The following TENM2 variants were observed in gnomAD, a reference collection of about 807,000 sequenced individuals.
TENM2 encodes the protein teneurin-2.
In TENM2, 52 loss-of-function variants were observed where a neutral mutation model predicts 245.2. That is an observed-to-expected ratio of 0.21 (90% confidence interval 0.17 to 0.27). The LOEUF (loss-of-function observed/expected upper bound fraction) is 0.27, where lower values mean the gene tolerates loss of function less well. Among genes scored for constraint, TENM2 ranks in the 10% least tolerant of loss-of-function variants. The probability of loss-of-function intolerance (pLI) is 1.00; values close to 1 mark genes in which losing one functional copy is unlikely to be tolerated. For synonymous variants in TENM2, 1,363 were observed against 1,438.9 expected (o/e 0.95, Z 1.19); for missense variants, 3,046 against 3,666.8 (o/e 0.83, Z 4.37).
At chr5:167,720,754 A>C (rs527560227) in intron 2 of TENM2, among the ~76,000 whole-genome samples, 18 of 152,370 alleles carry the variant, frequency 1.2e-4, no homozygotes, top group African/African-American at 4.3e-4. Flanking sequence ...AAATAGAGGT[A>C]TTGGACTGAC....
chr5:167,284,693 G>C (rs1211091763), upstream of TENM2: 2 of 644,990 alleles, frequency 3.1e-6, no homozygotes, highest in Non-Finnish European at 5.4e-6. Flanking sequence ...GTCTGAGTCA[G>C]AGCATGAATC....
intron 13 of TENM2, among the ~76,000 whole-genome samples, chr5:168,178,016 C>G (rs2152484286): frequency 6.6e-6 from 1 of 152,320 alleles, no homozygotes; most frequent in South Asian, 2.1e-4. Flanking sequence ...CTTCTCCCAG[C>G]TGGCAGTCTG....
chr5:167,214,661 T>A, the TENM2 span, among the ~76,000 whole-genome samples: 1 of 152,182 alleles, frequency 6.6e-6, no homozygotes, highest in Admixed American at 6.5e-5. Context: ...GAGTTGACAT[T>A]CTGATTTGAT....
intron 12 of TENM2, chr5:168,129,604 G>A (rs1754385293): frequency 6.6e-6 from 1 of 152,208 alleles, no homozygotes; most frequent in Non-Finnish European, 1.5e-5. Flanking sequence ...ACAAAGCCAA[G>A]CATACCTTGA....
intron 2 of TENM2, among the ~76,000 whole-genome samples, chr5:167,585,678 A>G (rs774671111): frequency 6.6e-6 from 1 of 152,164 alleles, no homozygotes; most frequent in African/African-American, 2.4e-5. Flanking sequence ...AAACAACCTT[A>G]GAGTCATGCT....
the TENM2 span, among the ~76,000 whole-genome samples, chr5:167,045,776 G>A: frequency 6.6e-6 from 1 of 152,262 alleles, no homozygotes; most frequent in East Asian, 1.9e-4. Flanking sequence ...CCATCCTTGG[G>A]AAGCATAGAG....
chr5:167,006,034 A>G, the TENM2 span, among the ~76,000 whole-genome samples: 2 of 152,078 alleles, frequency 1.3e-5, no homozygotes, highest in African/African-American at 4.8e-5. Context: ...ACATGGTAGG[A>G]GAGGATGTAA....
intron 2 of TENM2, among the ~76,000 whole-genome samples, chr5:167,526,532 G>T (rs979633613): frequency 8.6e-5 from 13 of 151,934 alleles, no homozygotes; most frequent in Non-Finnish European, 1.6e-4. Context: ...ACTGTGGATT[G>T]ACTTGAAGTG....
chr5:167,290,498 T>C (rs1754569897), intron 1 of TENM2, among the ~76,000 whole-genome samples: 2 of 152,208 alleles, frequency 1.3e-5, no homozygotes, highest in Admixed American at 6.5e-5. Context: ...CCGACCCTAA[T>C]AATACTTTGG....
At chr5:167,611,537 G>A (rs1044027334) in intron 2 of TENM2, among the ~76,000 whole-genome samples, 2 of 152,152 alleles carry the variant, frequency 1.3e-5, no homozygotes, top group Non-Finnish European at 2.9e-5. Flanking sequence ...CAGGAAGGGA[G>A]AGTTTTTCAA....
chr5:167,284,357 GA>G (rs1418591282), upstream of TENM2, among the ~76,000 whole-genome samples: 2 of 152,030 alleles, frequency 1.3e-5, no homozygotes, highest in Admixed American at 6.6e-5. Context: ...TTTTCTTTTG[GA>G]GGGGGGGTGG....
chr5:168,061,441 GAGTGT>G (rs926772401), intron 6 of TENM2, among the ~76,000 whole-genome samples: 18 of 152,154 alleles, frequency 1.2e-4, no homozygotes, highest in African/African-American at 3.9e-4. Flanking sequence ...GAAGGATACT[GAGTGT>G]GGGCAACCAA....
chr5:167,242,445 T>C, the TENM2 span, among the ~76,000 whole-genome samples: 2 of 152,126 alleles, frequency 1.3e-5, no homozygotes, highest in South Asian at 4.1e-4. Context: ...ATAAATGAGA[T>C]ATACAGTTGA....
chr5:167,416,947 A>G (rs185841216), intron 2 of TENM2, among the ~76,000 whole-genome samples: 27 of 152,230 alleles, frequency 1.8e-4, no homozygotes, highest in African/African-American at 6.3e-4. Context: ...GATTACATAG[A>G]TTGTTTCGTT....
intron 9 of TENM2, among the ~76,000 whole-genome samples, chr5:168,103,823 CACAA>C (rs1794018601): frequency 6.6e-6 from 1 of 152,132 alleles, no homozygotes. Flanking sequence ...AGTTGTCACT[CACAA>C]ACAACTTTTG....
At chr5:167,512,171 G>C (rs1222405860) in intron 2 of TENM2, among the ~76,000 whole-genome samples, 6 of 152,098 alleles carry the variant, frequency 3.9e-5, no homozygotes, top group African/African-American at 9.7e-5. Context: ...GGATTGCCTA[G>C]GTAATGTAAG....
chr5:167,865,004 C>T lies in TENM2; in HGVS notation c.503-10982C>T, dbSNP rs542721599. ...AGCCTTTTGAAAATTGTTTCGGCAT[C>T]GGCATACAGTTCCTTTTAATCTTTC... is the stretch of plus-strand genomic sequence containing the variant. On this transcript the variant is annotated intron_variant, in intron 2 of 28. Transcript: ENST00000518659. 8.5e-5 allele frequency among the ~76,000 whole-genome samples: 13 copies of T among 152,272 alleles called. No individual in the cohort carries two copies. The South Asian group carries it at 1.4e-3, about 17-fold the overall frequency.
At chr5:167,552,820 C>T (rs1773038523) in intron 2 of TENM2, among the ~76,000 whole-genome samples, 1 of 152,126 alleles carries the variant, frequency 6.6e-6, no homozygotes, top group South Asian at 2.1e-4. Flanking sequence ...GGCATTGCCC[C>T]TCATGGTTGC....
intron 6 of TENM2, among the ~76,000 whole-genome samples, chr5:168,049,175 A>C (rs1788866148): frequency 6.6e-6 from 1 of 152,174 alleles, no homozygotes; most frequent in Non-Finnish European, 1.5e-5. Flanking sequence ...CATCTAGTGG[A>C]TAGGGGTCAG....
Sources: allele counts gnomAD v4.1 joint callset (sites outside exome capture counted in the v4.1 genomes callset), GRCh38; gene constraint gnomAD v4.1.1; transcripts MANE v1.5; gene names NCBI Gene and HGNC (gene_info 2026-07-23, HGNC 2026-07-21).